ATXN8OS: variants seen among roughly 807,000 people sequenced by gnomAD.
ATXN8OS encodes the protein ATXN8 opposite strand (non-protein coding).
intron 2 of ATXN8OS, among the ~76,000 whole-genome samples, chr13:70,116,657 T>C (rs1254054769): frequency 1.3e-5 from 2 of 152,264 alleles, no homozygotes; most frequent in South Asian, 2.1e-4. Context: ...ATTGGAGGAT[T>C]TGGAGCATTG....
chr13:70,120,410 T>C (rs1025254387), intron 2 of ATXN8OS, among the ~76,000 whole-genome samples: 3 of 152,088 alleles, frequency 2.0e-5, no homozygotes, highest in African/African-American at 4.8e-5. Context: ...CCATCTAATA[T>C]AGACAGAGTT....
intron 4 of ATXN8OS, among the ~76,000 whole-genome samples, chr13:70,157,257 A>G (rs1462807025): frequency 6.6e-6 from 1 of 152,186 alleles, no homozygotes; most frequent in African/African-American, 2.4e-5. Flanking sequence ...TATTATTAAA[A>G]TAGAATGTTG....
At chr13:70,135,825 T>C (rs1888606388) in intron 3 of ATXN8OS, among the ~76,000 whole-genome samples, 1 of 152,156 alleles carries the variant, frequency 6.6e-6, no homozygotes, top group African/African-American at 2.4e-5. Context: ...TGACATAAAA[T>C]TGAATCAATT....
intron 3 of ATXN8OS, among the ~76,000 whole-genome samples, chr13:70,140,956 G>A (rs1888706267): frequency 6.6e-6 from 1 of 152,016 alleles, no homozygotes; most frequent in South Asian, 2.1e-4. Flanking sequence ...GTATGTGTTG[G>A]GATTAGTGAT....
chr13:70,157,516 G>C (rs1274822071), intron 4 of ATXN8OS, among the ~76,000 whole-genome samples: 1 of 145,326 alleles, frequency 6.9e-6, no homozygotes, highest in Non-Finnish European at 1.5e-5. Flanking sequence ...AAGATATCCA[G>C]AGATTTGCTT....
At chr13:70,155,732 C>T (rs1259209946) in intron 4 of ATXN8OS, among the ~76,000 whole-genome samples, 1 of 151,290 alleles carries the variant, frequency 6.6e-6, no homozygotes, top group African/African-American at 2.4e-5. Flanking sequence ...AGGTGGGTCA[C>T]CTCTTCAGTT....
chr13:70,108,013 T>G (rs1247694816), exon 1 of ATXN8OS: 1 of 442,556 alleles, frequency 2.3e-6, no homozygotes, highest in Non-Finnish European at 4.0e-6. Context: ...CCCCGTGTTA[T>G]GGCGAGGTGG....
chr13:70,127,402 C>T (rs761591307), intron 2 of ATXN8OS, among the ~76,000 whole-genome samples: 2 of 151,556 alleles, frequency 1.3e-5, no homozygotes, highest in African/African-American at 4.8e-5. Flanking sequence ...TAGATATCAT[C>T]GAAAGAATAT....
intron 2 of ATXN8OS, among the ~76,000 whole-genome samples, chr13:70,126,677 C>T (rs976276445): frequency 6.0e-5 from 9 of 150,878 alleles, no homozygotes; most frequent in African/African-American, 1.5e-4. Context: ...AGCTATGTCT[C>T]GGTAGATAGA....
At chr13:70,159,919 C>T (rs898811480) in intron 4 of ATXN8OS, among the ~76,000 whole-genome samples, 1 of 152,184 alleles carries the variant, frequency 6.6e-6, no homozygotes, top group East Asian at 1.9e-4. Context: ...GTGTGTTTGT[C>T]CATTCATCGA....
At chr13:70,141,571 A>G (rs2137492730) in intron 3 of ATXN8OS, among the ~76,000 whole-genome samples, 1 of 152,242 alleles carries the variant, frequency 6.6e-6, no homozygotes, top group South Asian at 2.1e-4. Context: ...ATCTGTAAGA[A>G]ATTTATATAT....
At chr13:70,160,208 A>T (rs1052669423) in intron 4 of ATXN8OS, among the ~76,000 whole-genome samples, 1 of 152,072 alleles carries the variant, frequency 6.6e-6, no homozygotes, top group Non-Finnish European at 1.5e-5. Flanking sequence ...GGATTTTCAT[A>T]TATTGTATTT....
chr13:70,108,492 G>A (rs1210658825), intron 1 of ATXN8OS: 3 of 149,150 alleles, frequency 2.0e-5, no homozygotes, highest in Non-Finnish European at 4.5e-5. Context: ...TCCCCTGTAA[G>A]TGACGCAGAT....
At chr13:70,167,124 T>C (rs1342794766) in intron 4 of ATXN8OS, among the ~76,000 whole-genome samples, 2 of 151,960 alleles carry the variant, frequency 1.3e-5, no homozygotes, top group Admixed American at 6.6e-5. Context: ...CTCAGGGATC[T>C]AGAACTGGAA....
intron 3 of ATXN8OS, among the ~76,000 whole-genome samples, chr13:70,137,200 TCAAA>T (rs770936939): frequency 3.3e-5 from 5 of 152,212 alleles, no homozygotes; most frequent in Non-Finnish European, 5.9e-5. Context: ...AAAAATCTTG[TCAAA>T]CAATTTTAAA....
At position 70,154,851 on chromosome 13, in the gene ATXN8OS, T is replaced by G. The variant is rs1363134802; in HGVS notation, n.573+7423T>G. ...TGAGTAGGCCTGAACTACAGCTGCCTGGGCACCATAGCGAAGGTTATAGGA... is the reference window on the plus strand; with the variant it reads ...TGAGTAGGCCTGAACTACAGCTGCCGGGGCACCATAGCGAAGGTTATAGGA... On this transcript the variant is annotated intron_variant and non_coding_transcript_variant, in intron 4 of 4. Transcript: ENST00000678624. Among the ~76,000 whole-genome samples the G allele has an allele frequency of 2.6e-5, 4 of 152,234 alleles. No homozygotes were observed. In the East Asian group the frequency reaches 7.7e-4, roughly 29 times the overall value.
At chr13:70,159,128 C>G (rs796176983) in intron 4 of ATXN8OS, among the ~76,000 whole-genome samples, 12 of 151,732 alleles carry the variant, frequency 7.9e-5, no homozygotes, top group African/African-American at 2.9e-4. Context: ...TTTAGATCTC[C>G]TTACTAATTA....
chr13:70,154,669 G>T (rs1427136683), intron 4 of ATXN8OS, among the ~76,000 whole-genome samples: 1 of 152,160 alleles, frequency 6.6e-6, no homozygotes, highest in African/African-American at 2.4e-5. Flanking sequence ...CATCTAATGT[G>T]CTCTAGAGAC....
intron 2 of ATXN8OS, among the ~76,000 whole-genome samples, chr13:70,122,092 C>T (rs886531799): frequency 1.3e-5 from 2 of 151,980 alleles, no homozygotes; most frequent in African/African-American, 4.8e-5. Context: ...TCCCTTCTTG[C>T]ACAAATTGAG....
Sources: allele counts gnomAD v4.1 joint callset (sites outside exome capture counted in the v4.1 genomes callset), GRCh38; gene constraint gnomAD v4.1.1; transcripts MANE v1.5; gene names NCBI Gene and HGNC (gene_info 2026-07-23, HGNC 2026-07-21).